CARMIL1: variants seen among roughly 807,000 people sequenced by gnomAD.
The protein encoded by CARMIL1 is F-actin-uncapping protein LRRC16A.
A neutral mutation model predicts 177.1 loss-of-function variants in CARMIL1; 90 were observed. The ratio of observed to expected loss-of-function variants is 0.51; its 90% confidence interval spans 0.43 to 0.61. CARMIL1 has a LOEUF of 0.61. Among genes scored for constraint, CARMIL1 ranks in the 20% least tolerant of loss-of-function variants. CARMIL1 has a pLI of 0.00. For synonymous variants in CARMIL1, 577 were observed against 606.2 expected, an observed-to-expected ratio of 0.95 and a Z score of 0.71; for missense variants, 1,380 against 1,667.0, an observed-to-expected ratio of 0.83 and a Z score of 3.00.
At chr6:25,523,313 C>T (rs1806759213) in intron 23 of CARMIL1, among the ~76,000 whole-genome samples, 1 of 151,986 alleles carries the variant, frequency 6.6e-6, no homozygotes, top group South Asian at 2.1e-4. Flanking sequence ...TATGTAATAA[C>T]TATGTTTAGC....
At chr6:25,439,863 T>C (rs1797574883) in intron 5 of CARMIL1, among the ~76,000 whole-genome samples, 1 of 152,142 alleles carries the variant, frequency 6.6e-6, no homozygotes, top group African/African-American at 2.4e-5. Context: ...AAGCATATGC[T>C]TAAACCATAT....
At chr6:25,464,915 A>G (rs1481193207) in intron 8 of CARMIL1, among the ~76,000 whole-genome samples, 4 of 152,080 alleles carry the variant, frequency 2.6e-5, no homozygotes, top group Admixed American at 6.5e-5. Context: ...TGTCTTGAGC[A>G]TGGGATGAGT....
At chr6:25,610,241 A>G (rs1816396511) in intron 36 of CARMIL1, 60 bp downstream of exon 36, 4 of 1,531,644 alleles carry the variant, frequency 2.6e-6, no homozygotes, top group East Asian at 2.3e-5. Flanking sequence ...GGACATTTCA[A>G]AATAAAGGAA....
chr6:25,598,960 A>G (rs1443621005), intron 32 of CARMIL1, among the ~76,000 whole-genome samples: 1 of 152,176 alleles, frequency 6.6e-6, no homozygotes, highest in Non-Finnish European at 1.5e-5. Flanking sequence ...CAGAGGGAGA[A>G]AAAGTCCCGG....
intron 1 of CARMIL1, among the ~76,000 whole-genome samples, chr6:25,281,738 T>C (rs190792371): frequency 1.2e-4 from 18 of 152,290 alleles, no homozygotes; most frequent in South Asian, 2.1e-4. Context: ...ACAAGAGTTC[T>C]GCTCTGATCA....
intron 8 of CARMIL1, among the ~76,000 whole-genome samples, chr6:25,456,596 G>T (rs1323130449): frequency 6.6e-6 from 1 of 152,150 alleles, no homozygotes; most frequent in African/African-American, 2.4e-5. Flanking sequence ...GGGATTTCTC[G>T]AAGGTCTGTG....
intron 26 of CARMIL1, among the ~76,000 whole-genome samples, chr6:25,542,413 T>TAAAA (rs1393701636): frequency 1.3e-5 from 2 of 152,238 alleles, no homozygotes; most frequent in Non-Finnish European, 2.9e-5. Flanking sequence ...TACATTCTTT[T>TAAAA]GACCTTGATT....
chr6:25,451,231 G>C (rs183212152), intron 8 of CARMIL1, among the ~76,000 whole-genome samples: 1 of 151,942 alleles, frequency 6.6e-6, no homozygotes, highest in African/African-American at 2.4e-5. Flanking sequence ...TAGAAAATGT[G>C]CTGAATTTTA....
chr6:25,522,098 A>G (rs1806627490), intron 23 of CARMIL1, among the ~76,000 whole-genome samples: 2 of 152,334 alleles, frequency 1.3e-5, no homozygotes, highest in South Asian at 4.1e-4. Flanking sequence ...ATTGTGTAGC[A>G]TAAATCTCTT....
intron 11 of CARMIL1, 97 bp downstream of exon 11, chr6:25,472,618 G>T: frequency 1.1e-6 from 1 of 929,140 alleles, no homozygotes; most frequent in Non-Finnish European, 1.7e-6. Context: ...AAGCTAAGTT[G>T]TAATTATAAG....
At chr6:25,535,668 A>G (rs999621800) in intron 24 of CARMIL1, among the ~76,000 whole-genome samples, 29 of 152,252 alleles carry the variant, frequency 1.9e-4, no homozygotes, top group African/African-American at 6.8e-4. Context: ...CCAAGAGATT[A>G]TAGCCTTTCA....
chr6:25,394,521 G>A (rs999260735), intron 2 of CARMIL1, among the ~76,000 whole-genome samples: 1 of 152,152 alleles, frequency 6.6e-6, no homozygotes, highest in African/African-American at 2.4e-5. Flanking sequence ...ACACCATTTA[G>A]GAATAGGAAA....
At chr6:25,578,255 CT>C (rs1378385843) in intron 29 of CARMIL1, among the ~76,000 whole-genome samples, 1 of 152,104 alleles carries the variant, frequency 6.6e-6, no homozygotes, top group African/African-American at 2.4e-5. Flanking sequence ...AAAATTGACC[CT>C]TTCATTTTGG....
chr6:25,451,986 G>GCGCCCCCCCC, intron 8 of CARMIL1: 1 of 112,672 alleles, frequency 8.9e-6, no homozygotes, highest in Non-Finnish European at 1.7e-5. Flanking sequence ...CTAGCATCTT[G>GCGCCCCCCCC]CCCCCCCCTC....
At chr6:25,548,679 T>C (rs571720216) in intron 26 of CARMIL1, among the ~76,000 whole-genome samples, 1 of 152,264 alleles carries the variant, frequency 6.6e-6, no homozygotes, top group South Asian at 2.1e-4. Flanking sequence ...CAGCCCTAGA[T>C]ACTGTTTATT....
At chr6:25,586,541 C>T (rs1329643773) in intron 31 of CARMIL1, among the ~76,000 whole-genome samples, 1 of 151,896 alleles carries the variant, frequency 6.6e-6, no homozygotes, top group Non-Finnish European at 1.5e-5. Context: ...CTCCTCACTT[C>T]CCAGACGGGG....
intron 8 of CARMIL1, among the ~76,000 whole-genome samples, chr6:25,462,190 G>A (rs946325323): frequency 1.1e-4 from 16 of 152,070 alleles, no homozygotes; most frequent in Middle Eastern, 3.4e-3. Flanking sequence ...CCAGTTTATC[G>A]ATTTTTTTAT....
intron 2 of CARMIL1, among the ~76,000 whole-genome samples, chr6:25,361,556 G>A (rs188659078): frequency 2.5e-4 from 38 of 151,974 alleles, no homozygotes; most frequent in Non-Finnish European, 4.9e-4. Context: ...TATTTTTCTT[G>A]GTATGAAAGG....
At chr6:25,432,440 G>A (rs1479681102) in intron 4 of CARMIL1, among the ~76,000 whole-genome samples, 2 of 152,126 alleles carry the variant, frequency 1.3e-5, no homozygotes, top group Non-Finnish European at 2.9e-5. Context: ...TTGAGTTAGC[G>A]AAATGTGACT....
Sources: allele counts gnomAD v4.1 joint callset (sites outside exome capture counted in the v4.1 genomes callset), GRCh38; gene constraint gnomAD v4.1.1; transcripts MANE v1.5; gene names NCBI Gene and HGNC (gene_info 2026-07-23, HGNC 2026-07-21).